PMFBP1: variants seen among roughly 807,000 people sequenced by gnomAD.
The protein encoded by PMFBP1 is polyamine-modulated factor 1-binding protein 1.
PMFBP1 carries 131 observed loss-of-function variants against 137.8 expected under a neutral mutation model. That is an observed-to-expected ratio of 0.95 (90% confidence interval 0.82 to 1.10). The LOEUF is 1.10. Among genes scored for constraint, PMFBP1 ranks in the 50% least tolerant of loss-of-function variants. PMFBP1 has a pLI of 0.00. For missense variants in PMFBP1, 1,199 were observed against 1,175.4 expected, an observed-to-expected ratio of 1.02 and a Z score of -0.29; for synonymous variants, 490 against 450.4, an observed-to-expected ratio of 1.09 and a Z score of -1.11.
the PMFBP1 span, among the ~76,000 whole-genome samples, chr16:72,183,160 T>C: frequency 8.5e-5 from 13 of 152,246 alleles, no homozygotes; most frequent in African/African-American, 3.1e-4. Flanking sequence ...CACAGCTTTA[T>C]GCCTAGTTCC....
chr16:72,230,636 A>G, the PMFBP1 span, among the ~76,000 whole-genome samples: 1 of 152,236 alleles, frequency 6.6e-6, no homozygotes, highest in East Asian at 1.9e-4. Context: ...TGTTACCCCA[A>G]GCCAAACACT....
the PMFBP1 span, among the ~76,000 whole-genome samples, chr16:72,222,752 T>C: frequency 6.6e-6 from 1 of 152,184 alleles, no homozygotes; most frequent in African/African-American, 2.4e-5. Flanking sequence ...TGGAGTTTTT[T>C]GTTTTTGTTT....
At chr16:72,190,193 C>G in the PMFBP1 span, among the ~76,000 whole-genome samples, 1 of 152,190 alleles carries the variant, frequency 6.6e-6, no homozygotes, top group Non-Finnish European at 1.5e-5. Context: ...TAATCCTAAT[C>G]TCCTGACCTT....
At chr16:72,131,584 A>G (rs1342083150) in intron 10 of PMFBP1, among the ~76,000 whole-genome samples, 1 of 152,150 alleles carries the variant, frequency 6.6e-6, no homozygotes, top group African/African-American at 2.4e-5. Context: ...TACACAGAGG[A>G]GGGAGCTCAC....
At chr16:72,236,599 A>C in the PMFBP1 span, among the ~76,000 whole-genome samples, 2 of 152,236 alleles carry the variant, frequency 1.3e-5, no homozygotes, top group Non-Finnish European at 2.9e-5. Flanking sequence ...TTGATTTGGC[A>C]GTACCCACTA....
At chr16:72,219,341 C>G in the PMFBP1 span, among the ~76,000 whole-genome samples, 2 of 152,254 alleles carry the variant, frequency 1.3e-5, no homozygotes, top group South Asian at 4.1e-4. Context: ...AGGCAAAAGA[C>G]AGTGGGGAGA....
Position 72,119,217 on chromosome 16 carries a change from G to C in PMFBP1, c.*121C>G. 8.6e-7 allele frequency: 1 copy of C among 1,165,088 alleles called. No individual in the cohort carries two copies. The highest frequency in any genetic ancestry group is 1.3e-6 in the Non-Finnish European group (1 of 790,120). The allele number at this position is 1,165,088 out of a possible 1,614,324, so 72.2% of individuals were successfully genotyped here. ...ACAAAAGTTAGTGTCTTGCAAAATA[G>C]GCTGGGACCGTGATATACTCCTGTA... On this transcript the variant is annotated 3_prime_UTR_variant, in exon 21 of 21. Coordinates refer to ENST00000237353, the MANE Select transcript of PMFBP1 (RefSeq NM_031293.3).
chr16:72,179,846 C>A (rs528613125), upstream of PMFBP1, among the ~76,000 whole-genome samples: 1 of 152,274 alleles, frequency 6.6e-6, no homozygotes, highest in South Asian at 2.1e-4. Flanking sequence ...TACATAAATG[C>A]CAGATGTTGC....
the PMFBP1 span, among the ~76,000 whole-genome samples, chr16:72,199,105 T>C: frequency 6.6e-6 from 1 of 152,176 alleles, no homozygotes; most frequent in South Asian, 2.1e-4. Flanking sequence ...GACGCATGCT[T>C]CCCGGGCTTA....
intron 7 of PMFBP1, among the ~76,000 whole-genome samples, chr16:72,137,106 T>A (rs1567627401): frequency 6.6e-6 from 1 of 152,120 alleles, no homozygotes; most frequent in African/African-American, 2.4e-5. Flanking sequence ...CCCAATGAAA[T>A]TTTTTTAAAA....
At chr16:72,123,118 C>T in intron 18 of PMFBP1, 130 bp from the exon 19 acceptor site, 1 of 780,964 alleles carries the variant, frequency 1.3e-6, no homozygotes, top group East Asian at 2.6e-5. Context: ...CACGCATCAC[C>T]CCGTCCGCAG....
chr16:72,124,000 G>A (rs1471975643), intron 17 of PMFBP1, among the ~76,000 whole-genome samples: 1 of 152,164 alleles, frequency 6.6e-6, no homozygotes, highest in Non-Finnish European at 1.5e-5. Context: ...GGAAGAGGAA[G>A]AGATGCCTTC....
the PMFBP1 span, among the ~76,000 whole-genome samples, chr16:72,217,085 G>A: frequency 6.6e-6 from 1 of 152,080 alleles, no homozygotes; most frequent in Non-Finnish European, 1.5e-5. Flanking sequence ...CTCTTTCTTG[G>A]ACACACAGCT....
the PMFBP1 span, among the ~76,000 whole-genome samples, chr16:72,247,467 C>T: frequency 6.6e-6 from 1 of 152,194 alleles, no homozygotes; most frequent in Non-Finnish European, 1.5e-5. Flanking sequence ...ATCCTTGTGA[C>T]TACAGAACAT....
the PMFBP1 span, among the ~76,000 whole-genome samples, chr16:72,214,466 C>T: frequency 3.9e-5 from 6 of 152,108 alleles, no homozygotes; most frequent in East Asian, 1.9e-4. Context: ...TGAGCCACTG[C>T]GTGGAGCCAC....
At chr16:72,231,502 G>T in the PMFBP1 span, among the ~76,000 whole-genome samples, 1 of 152,146 alleles carries the variant, frequency 6.6e-6, no homozygotes, top group Non-Finnish European at 1.5e-5. Context: ...GATGAAGCCT[G>T]AAAATTGGAA....
At chr16:72,134,610 T>A (rs966953107) in intron 9 of PMFBP1, among the ~76,000 whole-genome samples, 1 of 152,234 alleles carries the variant, frequency 6.6e-6, no homozygotes, top group Non-Finnish European at 1.5e-5. Context: ...CTAGGCTACC[T>A]GTCTGACCTC....
At chr16:72,217,979 C>T in the PMFBP1 span, among the ~76,000 whole-genome samples, 1 of 152,286 alleles carries the variant, frequency 6.6e-6, no homozygotes, top group African/African-American at 2.4e-5. Flanking sequence ...CCTCCAAACA[C>T]GGGGTCAGGA....
At chr16:72,244,762 T>G in the PMFBP1 span, among the ~76,000 whole-genome samples, 518 of 152,336 alleles carry the variant, frequency 3.4e-3, 1 homozygote, top group African/African-American at 0.011. Context: ...TTATTAAAGT[T>G]AGGCTAAATT....
Sources: allele counts gnomAD v4.1 joint callset (sites outside exome capture counted in the v4.1 genomes callset), GRCh38; gene constraint gnomAD v4.1.1; transcripts MANE v1.5; gene names NCBI Gene and HGNC (gene_info 2026-07-23, HGNC 2026-07-21).